The following UNC13C variants were observed in gnomAD, a reference collection of about 807,000 sequenced individuals.
UNC13C encodes unc-13 homolog C, also known as protein unc-13 homolog C.
UNC13C carries 174 observed loss-of-function variants against 245.4 expected under a neutral mutation model. The ratio of observed to expected loss-of-function variants is 0.71; its 90% confidence interval spans 0.63 to 0.80. UNC13C has a LOEUF of 0.80. UNC13C is among the 30% of genes least tolerant of loss of function. The pLI is 0.00. For missense variants in UNC13C, 2,829 were observed against 2,602.9 expected (o/e 1.09, Z -1.89); for synonymous variants, 992 against 895.1 (o/e 1.11, Z -1.93).
intron 2 of UNC13C, among the ~76,000 whole-genome samples, chr15:54,091,432 G>A (rs1899567134): frequency 6.6e-6 from 1 of 152,120 alleles, no homozygotes. Flanking sequence ...TTGTATTGAA[G>A]CTGCTTTAAA....
rs1321663849 is a variant in UNC13C at position 54,058,370 on chromosome 15, G to T, written c.2983+42484G>T. Among the ~76,000 whole-genome samples the T allele has an allele frequency of 2.0e-5, 3 of 152,206 alleles. No homozygotes were observed. The East Asian group carries it at 5.8e-4, about 29-fold the overall frequency. On this transcript the variant is annotated intron_variant, in intron 2 of 32. Coordinates refer to ENST00000260323, the MANE Select transcript of UNC13C (RefSeq NM_001080534.3). ...TAAACTAGAAAAGCTAGAAGGAATGGATAAGTTCCTCGACACATACACTCT... is the reference window on the plus strand; with the variant it reads ...TAAACTAGAAAAGCTAGAAGGAATGTATAAGTTCCTCGACACATACACTCT...
At chr15:54,451,080 C>T (rs907824468) in intron 19 of UNC13C, among the ~76,000 whole-genome samples, 3 of 151,980 alleles carry the variant, frequency 2.0e-5, no homozygotes, top group Non-Finnish European at 2.9e-5. Flanking sequence ...ATGTAAGCTT[C>T]TACGTGTTAT....
At chr15:54,319,270 A>C (rs1318257864) in intron 13 of UNC13C, among the ~76,000 whole-genome samples, 2 of 151,684 alleles carry the variant, frequency 1.3e-5, no homozygotes, top group Non-Finnish European at 2.9e-5. Flanking sequence ...TAGTCTGACA[A>C]ATGTAATTAC....
In UNC13C at chr15:54,055,486, G is replaced by T. The variant is rs145845089; in HGVS notation, c.2983+39600G>T. On this transcript the variant is annotated intron_variant, in intron 2 of 32. Coordinates refer to ENST00000260323, the MANE Select transcript of UNC13C (RefSeq NM_001080534.3). ...TGCTACAAAACAAGCAAGTGCTATTGTTGTACTGACAACAGAGATTTATTT... is the reference window on the plus strand; with the variant it reads ...TGCTACAAAACAAGCAAGTGCTATTTTTGTACTGACAACAGAGATTTATTT... Among the ~76,000 whole-genome samples, 197 of 152,200 alleles carry T rather than the reference G, an allele frequency of 1.3e-3. 1 individual carries two copies. The highest frequency in any genetic ancestry group is 3.8e-3 in the African/African-American group (157 of 41,544).
In UNC13C at chr15:54,546,772, T is replaced by C. The variant is rs1896501625; in HGVS notation, c.5747T>C (p.Leu1916Ser). Residue 1916 changes from leucine (L) to serine (S), a missense_variant, in exon 27 of 33, where the codon TTA (leucine) becomes TCA (serine). Physicochemically the swap from Leu to Ser is moderately radical, Grantham distance 145 (BLOSUM62 -2). Coordinates refer to ENST00000260323, the MANE Select transcript of UNC13C (RefSeq NM_001080534.3). ...ICEKTVLKRVLKELWKLVLNK... is the reference protein window; with the variant it reads ...ICEKTVLKRVSKELWKLVLNK... ...GAGAAAACAGTCCTAAAGCGAGTTT[T>C]AAAAGAGTTATGGAAGCTAGTTCTC... The C allele has an allele frequency of 9.0e-6, 14 of 1,557,938 alleles. No homozygotes were observed. Among genetic ancestry groups the C allele is most frequent in the Non-Finnish European group, 1.1e-5 (13 of 1,149,894 alleles).
intron 30 of UNC13C, among the ~76,000 whole-genome samples, chr15:54,614,363 A>G (rs895212828): frequency 6.6e-6 from 1 of 151,950 alleles, no homozygotes; most frequent in East Asian, 1.9e-4. Flanking sequence ...TTTCGACTCT[A>G]TAGGCATCTA....
intron 2 of UNC13C, among the ~76,000 whole-genome samples, chr15:54,029,972 A>T (rs984596296): frequency 6.6e-6 from 1 of 152,170 alleles, no homozygotes; most frequent in African/African-American, 2.4e-5. Context: ...ATCCAGGATA[A>T]ATGCTGCAGC....
At chr15:54,292,088 G>C (rs1416300035) in intron 10 of UNC13C, among the ~76,000 whole-genome samples, 1 of 151,934 alleles carries the variant, frequency 6.6e-6, no homozygotes, top group Non-Finnish European at 1.5e-5. Flanking sequence ...CGACACAGGT[G>C]ATGTAATTTT....
At chr15:54,183,833 G>A (rs1411264167) in intron 4 of UNC13C, among the ~76,000 whole-genome samples, 1 of 150,918 alleles carries the variant, frequency 6.6e-6, no homozygotes, top group Non-Finnish European at 1.5e-5. Flanking sequence ...GTCTCAAACT[G>A]AGCAGTGGCA....
intron 17 of UNC13C, among the ~76,000 whole-genome samples, chr15:54,353,421 G>T (rs763630239): frequency 6.6e-6 from 1 of 152,156 alleles, no homozygotes; most frequent in Non-Finnish European, 1.5e-5. Flanking sequence ...CCAGGGAAAT[G>T]TCACAATCAA....
At chr15:54,202,460 T>C (rs1297334956) in intron 4 of UNC13C, among the ~76,000 whole-genome samples, 2 of 151,896 alleles carry the variant, frequency 1.3e-5, no homozygotes, top group Non-Finnish European at 2.9e-5. Context: ...AGTACTGGTA[T>C]AAAAATTGGC....
Position 54,338,408 on chromosome 15 carries a change from C to G in UNC13C, c.4632C>G (p.Asp1544Glu), listed in dbSNP as rs764632730. The G allele has an allele frequency of 6.2e-7, 1 of 1,613,260 alleles. No homozygotes were observed. The highest frequency in any genetic ancestry group is 1.1e-5 in the South Asian group (1 of 91,000). The stretch of plus-strand genomic sequence containing the variant: ...CAAAAGCGAGCATGGTGGTGAAGGA[C>G]TGTGTAAGGGCTTGCCTGGATTCTA... ...SPPKASMVVK[D>E]CVRACLDSTY... Residue 1544 changes from aspartate (D) to glutamate (E), a missense_variant, in exon 17 of 33, where the codon GAC (aspartate) becomes GAG (glutamate). Physicochemically the swap from Asp to Glu is conservative, Grantham distance 45. Coordinates refer to ENST00000260323, the MANE Select transcript of UNC13C (RefSeq NM_001080534.3).
intron 19 of UNC13C, among the ~76,000 whole-genome samples, chr15:54,474,987 C>A (rs1361750812): frequency 6.6e-6 from 1 of 151,884 alleles, no homozygotes; most frequent in Non-Finnish European, 1.5e-5. Flanking sequence ...GATACCAAGC[C>A]ATTAGTGTGA....
chr15:54,314,585 A>G (rs1022985014), intron 13 of UNC13C, among the ~76,000 whole-genome samples: 11 of 151,774 alleles, frequency 7.2e-5, no homozygotes, highest in African/African-American at 2.4e-4. Context: ...GACTTTAAAG[A>G]AAAAAAGAAT....
At chr15:54,365,146 C>T (rs2039334902) in intron 17 of UNC13C, among the ~76,000 whole-genome samples, 1 of 152,112 alleles carries the variant, frequency 6.6e-6, no homozygotes, top group Middle Eastern at 3.4e-3. Context: ...GTTTTCTTGG[C>T]CCTCTCAGTA....
At chr15:54,077,355 C>CCTTAT (rs1898681476) in intron 2 of UNC13C, among the ~76,000 whole-genome samples, 3 of 124,346 alleles carry the variant, frequency 2.4e-5, no homozygotes, top group African/African-American at 8.9e-5. Flanking sequence ...TTTTATTTTT[C>CCTTAT]CTTTTCTTTT....
chr15:54,035,405 C>CA, intron 2 of UNC13C, among the ~76,000 whole-genome samples: 1 of 152,020 alleles, frequency 6.6e-6, no homozygotes, highest in African/African-American at 2.4e-5. Context: ...ATTTGTATAG[C>CA]AAAAATCAAA....
At chr15:54,173,720 T>C (rs1325013091) in intron 4 of UNC13C, among the ~76,000 whole-genome samples, 1 of 152,134 alleles carries the variant, frequency 6.6e-6, no homozygotes, top group Non-Finnish European at 1.5e-5. Context: ...CTTGCCTTAA[T>C]GAACTGACTA....
chr15:54,053,066 C>T (rs1473182481), intron 2 of UNC13C, among the ~76,000 whole-genome samples: 1 of 152,090 alleles, frequency 6.6e-6, no homozygotes. Context: ...GTGGTGTGAT[C>T]TCGACCCACT....
Sources: allele counts gnomAD v4.1 joint callset (sites outside exome capture counted in the v4.1 genomes callset), GRCh38; gene constraint gnomAD v4.1.1; transcripts MANE v1.5; gene names NCBI Gene and HGNC (gene_info 2026-07-23, HGNC 2026-07-21).